DNAH11: variants seen among roughly 807,000 people sequenced by gnomAD.
The protein encoded by DNAH11 is dynein axonemal heavy chain 11.
DNAH11 carries 442 observed loss-of-function variants against 526.0 expected under a neutral mutation model. That is an observed-to-expected ratio of 0.84 (90% CI 0.78 to 0.91). The LOEUF is 0.91. Among genes scored for constraint, DNAH11 ranks in the 40% least tolerant of loss-of-function variants. The probability of loss-of-function intolerance (pLI) is 0.00; values close to 1 mark genes in which losing one functional copy is unlikely to be tolerated. For missense variants in DNAH11, 6,989 were observed against 5,448.7 expected (o/e 1.28, Z -8.90); for synonymous variants, 2,461 against 1,935.9 (o/e 1.27, Z -7.12).
Position 21,789,328 on chromosome 7 carries a change from A to T in DNAH11, c.10012A>T (p.Arg3338Trp), listed in dbSNP as rs769429079. 1.2e-5 allele frequency: 19 copies of T among 1,568,458 alleles called. No homozygotes were observed. Among genetic ancestry groups the T allele is most frequent in the Non-Finnish European group, 1.6e-5 (18 of 1,156,388 alleles). ...AGCTACTGAAAAACTAGAGGCTATC[A>T]GGAAAAAGCTTGTGGTGAGTGCAAA... Reference protein sequence around the residue: ...AAATEKLEAIRKKLVDLDRNL... With the variant: ...AAATEKLEAIWKKLVDLDRNL... Residue 3338 changes from arginine (R) to tryptophan (W), a missense_variant, in exon 61 of 82, where the codon AGG becomes TGG. By Grantham distance (101) the Arg-to-Trp change is moderately radical (BLOSUM62 -3). Coordinates refer to ENST00000409508, the MANE Select transcript of DNAH11 (RefSeq NM_001277115.2).
chr7:21,749,197 A>G (rs1786292494), intron 52 of DNAH11, among the ~76,000 whole-genome samples: 1 of 152,230 alleles, frequency 6.6e-6, no homozygotes, highest in Non-Finnish European at 1.5e-5. Context: ...GTGTTTTTCA[A>G]GCTTTGCTTT....
At chr7:21,675,403 A>G (rs913830053) in intron 30 of DNAH11, among the ~76,000 whole-genome samples, 4 of 152,090 alleles carry the variant, frequency 2.6e-5, no homozygotes, top group Non-Finnish European at 5.9e-5. Context: ...ATTCTTGTCA[A>G]CCTAAATCCT....
intron 65 of DNAH11, among the ~76,000 whole-genome samples, chr7:21,837,445 G>C (rs556486600): frequency 5.3e-5 from 8 of 152,236 alleles, no homozygotes; most frequent in African/African-American, 1.9e-4. Context: ...TGAACCTGGT[G>C]GGCATTATGT....
intron 62 of DNAH11, among the ~76,000 whole-genome samples, chr7:21,802,621 T>C (rs1789044257): frequency 6.6e-6 from 1 of 152,200 alleles, no homozygotes; most frequent in Non-Finnish European, 1.5e-5. Flanking sequence ...ATAATGTTAA[T>C]AGCATTCATC....
intron 63 of DNAH11, among the ~76,000 whole-genome samples, chr7:21,814,642 T>G (rs1205835269): frequency 6.6e-6 from 1 of 151,830 alleles, no homozygotes; most frequent in Non-Finnish European, 1.5e-5. Context: ...AATTTATTTT[T>G]AAAATAATGT....
chr7:21,899,351 C>G lies in DNAH11; in HGVS notation c.13065C>G (p.Leu4355=), dbSNP rs770052684. ...YGLAQWFNDL[L]LRCRELDTWT... is the part of the protein sequence containing the mutation. ...CATAAACCAGGTTCAATGACCTCCT[C>G]CTGCGATGCCGAGAACTCGATACTT... The change falls in exon 80 of 82, where the codon CTC becomes CTG. Residue 4355 remains leucine, a synonymous_variant. Transcript: ENST00000409508. 1 of 1,613,998 alleles carries G rather than the reference C, an allele frequency of 6.2e-7. No individual in the cohort carries two copies. The highest frequency in any genetic ancestry group is 1.3e-5 in the African/African-American group (1 of 75,052).
At chr7:21,701,361 C>G (rs1025584565) in intron 36 of DNAH11, among the ~76,000 whole-genome samples, 1 of 150,662 alleles carries the variant, frequency 6.6e-6, no homozygotes, top group East Asian at 1.9e-4. Flanking sequence ...GTGATCATAG[C>G]TCACCACAGC....
chr7:21,612,346 G>T (rs1334733101), intron 20 of DNAH11, among the ~76,000 whole-genome samples: 1 of 151,982 alleles, frequency 6.6e-6, no homozygotes, highest in African/African-American at 2.4e-5. Flanking sequence ...ACAAGGTCAG[G>T]AGATCGAGAC....
intron 40 of DNAH11, among the ~76,000 whole-genome samples, chr7:21,708,329 T>C (rs2965402): frequency 0.41 from 62,123 of 152,094 alleles, 17,415 homozygotes; most frequent in African/African-American, 0.75. Context: ...CTCCCTCTTA[T>C]ACCCTACATC....
chr7:21,900,293 T>A (rs149948666), intron 81 of DNAH11, among the ~76,000 whole-genome samples, 173 bp downstream of exon 81: 575 of 152,326 alleles, frequency 3.8e-3, no homozygotes, highest in African/African-American at 0.013. Flanking sequence ...GTGTCCACTG[T>A]GAACCAAACT....
intron 66 of DNAH11, among the ~76,000 whole-genome samples, chr7:21,844,020 G>A (rs1782318811): frequency 6.6e-6 from 1 of 152,228 alleles, no homozygotes; most frequent in African/African-American, 2.4e-5. Context: ...TTTTGAAGAA[G>A]TAAGCTAGAA....
At chr7:21,733,162 G>A (rs1170010088) in intron 45 of DNAH11, among the ~76,000 whole-genome samples, 1 of 152,220 alleles carries the variant, frequency 6.6e-6, no homozygotes, top group Non-Finnish European at 1.5e-5. Flanking sequence ...CGAGGTGGGT[G>A]GATCACCTGA....
chr7:21,899,286 T>C lies in DNAH11; in HGVS notation c.13050-50T>C, dbSNP rs776203222. ...GCCCACAACAGAACATACTGGAAAA[T>C]GGCTATTTTACTGAACAGCAAGTTT... On this transcript the variant is annotated intron_variant, in intron 79 of 81. Transcript: ENST00000409508. 2.4e-5 allele frequency: 35 copies of C among 1,446,484 alleles called. No homozygotes were observed. The South Asian group carries it at 4.0e-4, about 16-fold the overall frequency. 89.6% of individuals were successfully genotyped at this position (1,446,484 alleles called of 1,614,324 possible). A position where few individuals can be genotyped will look rare whatever the true frequency, so the allele number is the denominator to read the frequency against.
At chr7:21,692,877 A>G (rs1006167958) in intron 35 of DNAH11, among the ~76,000 whole-genome samples, 1 of 152,232 alleles carries the variant, frequency 6.6e-6, no homozygotes, top group African/African-American at 2.4e-5. Flanking sequence ...ATAGATAGGT[A>G]GTACTGTGTC....
At chr7:21,819,525 T>G (rs1789963628) in intron 65 of DNAH11, among the ~76,000 whole-genome samples, 1 of 152,192 alleles carries the variant, frequency 6.6e-6, no homozygotes, top group African/African-American at 2.4e-5. Flanking sequence ...AAATATAGTG[T>G]AAAATCTTGA....
At position 21,690,830 on chromosome 7, in the gene DNAH11, C is replaced by A. The variant is rs752331761; in HGVS notation, c.5990C>A (p.Pro1997Gln). ...PSVGIFITMN[P>Q]GYAGRTELPE... ...GTTGGAATATTTATTACTATGAACC[C>A]GGGTTATGCTGGTCGAACCGAATTA... Residue 1997 changes from proline to glutamine, a missense_variant, in exon 35 of 82, where the codon CCG becomes CAG. Physicochemically the swap from Pro to Gln is moderately conservative, Grantham distance 76 (BLOSUM62 -1). Coordinates refer to ENST00000409508, the MANE Select transcript of DNAH11 (RefSeq NM_001277115.2). 1.4e-5 allele frequency: 22 copies of A among 1,612,460 alleles called. No individual in the cohort carries two copies. In the South Asian group the frequency reaches 2.1e-4, roughly 15 times the overall value.
chr7:21,712,193 G>A (rs6461594), intron 42 of DNAH11, among the ~76,000 whole-genome samples: 2,336 of 152,206 alleles, frequency 0.015, 61 homozygotes, highest in African/African-American at 0.054. Flanking sequence ...GTTTATCCAC[G>A]TAGCAGCATA....
At chr7:21,693,582 A>G (rs1478598166) in intron 35 of DNAH11, among the ~76,000 whole-genome samples, 1 of 152,244 alleles carries the variant, frequency 6.6e-6, no homozygotes, top group African/African-American at 2.4e-5. Context: ...CAGTTAGGCC[A>G]TTTGGACCTA....
In DNAH11 at chr7:21,544,993, G is replaced by A; in HGVS notation, c.352-13G>A. ...GAAAACTACTTGAACTAATTATCTT[G>A]CTCTTGTTTTAGATTCCAAGAGATG... On this transcript the variant is annotated splice_polypyrimidine_tract_variant and intron_variant, in intron 1 of 81. Coordinates refer to ENST00000409508, the MANE Select transcript of DNAH11 (RefSeq NM_001277115.2). 1.3e-6 allele frequency: 2 copies of A among 1,562,540 alleles called. No individual in the cohort carries two copies. The highest frequency in any genetic ancestry group is 1.7e-6 in the Non-Finnish European group (2 of 1,152,920).
Sources: allele counts gnomAD v4.1 joint callset (sites outside exome capture counted in the v4.1 genomes callset), GRCh38; gene constraint gnomAD v4.1.1; transcripts MANE v1.5; gene names NCBI Gene and HGNC (gene_info 2026-07-23, HGNC 2026-07-21).